PLEKHA6: variants seen among roughly 807,000 people sequenced by gnomAD.
PLEKHA6 encodes pleckstrin homology domain-containing family A member 6.
PLEKHA6 carries 60 observed loss-of-function variants against 116.7 expected under a neutral mutation model. The ratio of observed to expected loss-of-function variants is 0.51; its 90% CI spans 0.42 to 0.64. The LOEUF (loss-of-function observed/expected upper bound fraction) is 0.64, where lower values mean the gene tolerates loss of function less well. Among genes scored for constraint, PLEKHA6 ranks in the 30% least tolerant of loss-of-function variants. The pLI, the probability that PLEKHA6 is intolerant of heterozygous loss-of-function variation, is 0.00. For synonymous variants in PLEKHA6, 489 were observed against 556.1 expected (o/e 0.88, Z 1.70); for missense variants, 1,338 against 1,422.7 (o/e 0.94, Z 0.96).
chr1:204,353,027 G>A (rs529107491), intron 1 of PLEKHA6, among the ~76,000 whole-genome samples: 2 of 152,192 alleles, frequency 1.3e-5, no homozygotes, highest in South Asian at 2.1e-4. Flanking sequence ...TTGCAACCTA[G>A]TACCTGCCTG....
intron 21 of PLEKHA6, among the ~76,000 whole-genome samples, chr1:204,227,001 C>G (rs866275869): frequency 5.9e-5 from 9 of 152,320 alleles, no homozygotes; most frequent in Admixed American, 5.2e-4. Flanking sequence ...AATCCTCATA[C>G]CACCAGCACT....
At chr1:204,349,647 G>C (rs1162213226) in intron 1 of PLEKHA6, among the ~76,000 whole-genome samples, 2 of 152,102 alleles carry the variant, frequency 1.3e-5, no homozygotes, top group African/African-American at 2.4e-5. Flanking sequence ...GAGCAACAGA[G>C]ACCCAGCTCG....
At chr1:204,335,872 C>G (rs1409908801) in intron 1 of PLEKHA6, among the ~76,000 whole-genome samples, 2 of 152,164 alleles carry the variant, frequency 1.3e-5, no homozygotes, top group African/African-American at 4.8e-5. Flanking sequence ...CTGCCACAGC[C>G]CCTGTCACCT....
chr1:204,372,318 C>G (rs1047016610), intron 1 of PLEKHA6, among the ~76,000 whole-genome samples: 1 of 152,204 alleles, frequency 6.6e-6, no homozygotes, highest in African/African-American at 2.4e-5. Flanking sequence ...GGCTCCCCAG[C>G]AACACAGACC....
At chr1:204,349,237 A>G (rs909104657) in intron 1 of PLEKHA6, among the ~76,000 whole-genome samples, 26 of 152,178 alleles carry the variant, frequency 1.7e-4, no homozygotes, top group African/African-American at 6.3e-4. Flanking sequence ...TTCTCTCCCT[A>G]TAAGAATCCT....
chr1:204,292,187 G>T (rs2103033566), intron 1 of PLEKHA6, among the ~76,000 whole-genome samples: 1 of 152,340 alleles, frequency 6.6e-6, no homozygotes, highest in African/African-American at 2.4e-5. Flanking sequence ...TTTGTTCTAT[G>T]ACAGAAGGGA....
intron 3 of PLEKHA6, among the ~76,000 whole-genome samples, chr1:204,366,681 A>G (rs1469006131): frequency 6.6e-6 from 1 of 152,186 alleles, no homozygotes; most frequent in Non-Finnish European, 1.5e-5. Flanking sequence ...GAATCTCTTG[A>G]ACCCCGGAGA....
chr1:204,331,715 A>C (rs1672456205), intron 1 of PLEKHA6, among the ~76,000 whole-genome samples: 1 of 152,180 alleles, frequency 6.6e-6, no homozygotes, highest in South Asian at 2.1e-4. Flanking sequence ...AAAAAGAGAA[A>C]GGAAAAAGAA....
chr1:204,232,377 T>C (rs755167927), intron 17 of PLEKHA6, among the ~76,000 whole-genome samples: 4 of 152,222 alleles, frequency 2.6e-5, no homozygotes, highest in Non-Finnish European at 5.9e-5. Flanking sequence ...AAACTCATTG[T>C]AGGAAAAGTG....
At chr1:204,349,480 G>T (rs572365244) in intron 1 of PLEKHA6, among the ~76,000 whole-genome samples, 19 of 148,378 alleles carry the variant, frequency 1.3e-4, no homozygotes, top group Non-Finnish European at 2.2e-4. Context: ...GCCAGAGGTT[G>T]CAGTGAGCCA....
chr1:204,366,439 A>G (rs988031584), intron 3 of PLEKHA6, among the ~76,000 whole-genome samples: 8 of 152,186 alleles, frequency 5.3e-5, no homozygotes, highest in Non-Finnish European at 8.8e-5. Flanking sequence ...AAAAGAAAGA[A>G]AAGAAAAATT....
At chr1:204,370,315 A>G (rs1673749129) in intron 2 of PLEKHA6, among the ~76,000 whole-genome samples, 1 of 152,270 alleles carries the variant, frequency 6.6e-6, no homozygotes, top group African/African-American at 2.4e-5. Flanking sequence ...TGTGTCCAGC[A>G]GTGCCAGCTG....
At chr1:204,331,552 A>G (rs16853427) in intron 1 of PLEKHA6, among the ~76,000 whole-genome samples, 2,547 of 152,292 alleles carry the variant, frequency 0.017, 74 homozygotes, top group African/African-American at 0.057. Flanking sequence ...AATTGGTGGA[A>G]AAGGGGACAG....
intron 1 of PLEKHA6, among the ~76,000 whole-genome samples, chr1:204,353,817 C>A (rs1232565863): frequency 6.6e-6 from 1 of 152,138 alleles, no homozygotes; most frequent in East Asian, 1.9e-4. Context: ...AGCACTACGC[C>A]TCTATCACCA....
intron 1 of PLEKHA6, among the ~76,000 whole-genome samples, chr1:204,353,594 C>A (rs1673339944): frequency 6.6e-6 from 1 of 152,182 alleles, no homozygotes; most frequent in African/African-American, 2.4e-5. Context: ...AGAGCTTTCA[C>A]ATTTGATGTG....
chr1:204,334,429 G>A (rs999739756), intron 1 of PLEKHA6, among the ~76,000 whole-genome samples: 4 of 152,094 alleles, frequency 2.6e-5, no homozygotes, highest in Non-Finnish European at 4.4e-5. Context: ...ATGGTTCTGG[G>A]GCTATCATTC....
At chr1:204,266,070 C>A (rs1666777338) in intron 5 of PLEKHA6, among the ~76,000 whole-genome samples, 1 of 152,182 alleles carries the variant, frequency 6.6e-6, no homozygotes, top group African/African-American at 2.4e-5. Context: ...TCAGAAGAAA[C>A]CTCTGTAGGG....
At chr1:204,249,837 G>A (rs2102652300) in intron 10 of PLEKHA6, among the ~76,000 whole-genome samples, 1 of 152,270 alleles carries the variant, frequency 6.6e-6, no homozygotes, top group South Asian at 2.1e-4. Context: ...ATGGGGAGCA[G>A]ACAGGTGAGG....
chr1:204,272,722 T>C (rs1236904673), intron 3 of PLEKHA6, among the ~76,000 whole-genome samples: 1 of 152,238 alleles, frequency 6.6e-6, no homozygotes, highest in African/African-American at 2.4e-5. Flanking sequence ...GATGTTCCTA[T>C]AAATATGTAG....
Sources: allele counts gnomAD v4.1 joint callset (sites outside exome capture counted in the v4.1 genomes callset), GRCh38; gene constraint gnomAD v4.1.1; transcripts MANE v1.5; gene names NCBI Gene and HGNC (gene_info 2026-07-23, HGNC 2026-07-21).